Variants in VWA3B observed in about 807,000 individuals in gnomAD.
VWA3B encodes von Willebrand factor A domain-containing protein 3B.
A neutral mutation model predicts 158.3 loss-of-function variants in VWA3B; 138 were observed. The observed-to-expected ratio is 0.87, with a 90% CI of 0.76 to 1.00. The LOEUF (loss-of-function observed/expected upper bound fraction) is 1.00, where lower values mean the gene tolerates loss of function less well. Among genes scored for constraint, VWA3B ranks in the 50% least tolerant of loss-of-function variants. The pLI, the probability that VWA3B is intolerant of heterozygous loss-of-function variation, is 0.00. For missense variants in VWA3B, 1,555 were observed against 1,565.1 expected (o/e 0.99, Z 0.11); for synonymous variants, 596 against 587.3 (o/e 1.01, Z -0.21).
rs138766841 is a variant in VWA3B at position 98,300,192 on chromosome 2, A to G, written c.3396A>G (p.Thr1132=). The G allele has an allele frequency of 4.0e-4, 650 of 1,614,232 alleles. 4 individuals carry two copies. The African/African-American group carries it at 7.8e-3, about 19-fold the overall frequency. ...ATGTGGCCACAGAAAAATTCTACAC[A>G]GTTTTGAAGTGTAACAACCGGAGAG... ...NKHVATEKFY[T]VLKCNNRREF... Residue 1132 remains threonine, a synonymous_variant, in exon 25 of 28, where the codon ACA becomes ACG. Coordinates refer to ENST00000477737, the MANE Select transcript of VWA3B (RefSeq NM_144992.5).
chr2:98,101,908 G>A (rs1007897119), intron 2 of VWA3B, among the ~76,000 whole-genome samples: 1 of 149,252 alleles, frequency 6.7e-6, no homozygotes, highest in African/African-American at 2.5e-5. Flanking sequence ...TCATTCTTGG[G>A]TGTTTCTCAG....
intron 8 of VWA3B, among the ~76,000 whole-genome samples, chr2:98,167,724 G>A (rs2105276036): frequency 6.6e-6 from 1 of 152,276 alleles, no homozygotes; most frequent in East Asian, 1.9e-4. Flanking sequence ...CCTGTGAGAA[G>A]GTTATCTGAG....
At chr2:98,157,481 T>G (rs1018800389) in intron 7 of VWA3B, among the ~76,000 whole-genome samples, 7 of 152,288 alleles carry the variant, frequency 4.6e-5, no homozygotes, top group Admixed American at 4.6e-4. Flanking sequence ...CAAAAACCAC[T>G]GATTTTCCTG....
chr2:98,133,086 T>C (rs796087042), intron 6 of VWA3B, among the ~76,000 whole-genome samples: 84 of 152,308 alleles, frequency 5.5e-4, no homozygotes, highest in African/African-American at 1.9e-3. Context: ...TCCAGTTAAG[T>C]GGCTTTGAGG....
At chr2:98,129,370 G>C (rs1429121253) in intron 6 of VWA3B, among the ~76,000 whole-genome samples, 3 of 151,884 alleles carry the variant, frequency 2.0e-5, no homozygotes, top group Non-Finnish European at 4.4e-5. Context: ...GAGACAGAGA[G>C]ACAGAGAGTG....
At chr2:98,183,038 C>T (rs1680723723) in intron 9 of VWA3B, among the ~76,000 whole-genome samples, 1 of 152,212 alleles carries the variant, frequency 6.6e-6, no homozygotes, top group Non-Finnish European at 1.5e-5. Context: ...TACTGATCAT[C>T]TCCTAACTCA....
At chr2:98,322,389 C>T in the VWA3B span, among the ~76,000 whole-genome samples, 1 of 151,946 alleles carries the variant, frequency 6.6e-6, no homozygotes, top group African/African-American at 2.4e-5. Context: ...GAGTTCAGGG[C>T]TAGAAAAAAA....
rs1175433142 is a variant in VWA3B, at chr2:98,192,923, CA to C, written c.1495del (p.Ser499AlafsTer21). On this transcript the variant is annotated frameshift_variant, in exon 11 of 28. Coordinates refer to ENST00000477737, the MANE Select transcript of VWA3B (RefSeq NM_144992.5). LOFTEE classifies it high-confidence loss of function. ...GATTAAATGGCTACAGGATGGGAGTCAAAGCCTCTTTGGAAGATTGCATAAT... is the reference window on the plus strand; with the variant it reads ...GATTAAATGGCTACAGGATGGGAGTCAAGCCTCTTTGGAAGATTGCATAAT... ...RRIKWLQDGSQSLFGRLHNDC... is the reference protein window; with the variant it reads ...RRIKWLQDGSXSLFGRLHNDC... The C allele has an allele frequency of 1.2e-6, 2 of 1,614,076 alleles. No individual in the cohort carries two copies. The highest frequency in any genetic ancestry group is 2.7e-5 in the African/African-American group (2 of 74,924).
intron 23 of VWA3B, among the ~76,000 whole-genome samples, chr2:98,296,474 A>G (rs1344557712): frequency 2.6e-5 from 4 of 152,246 alleles, no homozygotes; most frequent in African/African-American, 9.6e-5. Context: ...CGATCAGAAA[A>G]CACACAATGG....
intron 22 of VWA3B, among the ~76,000 whole-genome samples, chr2:98,278,330 G>T (rs1369547960): frequency 6.6e-6 from 1 of 152,184 alleles, no homozygotes; most frequent in African/African-American, 2.4e-5. Flanking sequence ...GCTTCTAGAG[G>T]AGTACCCACA....
intron 21 of VWA3B, among the ~76,000 whole-genome samples, chr2:98,267,214 A>G (rs1185819177): frequency 2.0e-5 from 3 of 151,624 alleles, no homozygotes; most frequent in African/African-American, 7.3e-5. Context: ...ATTTTGAGAT[A>G]CGTCCCATCA....
intron 16 of VWA3B, 46 bp from the exon 17 acceptor site, chr2:98,234,602 C>T (rs760513105): frequency 1.2e-6 from 2 of 1,612,302 alleles, no homozygotes; most frequent in African/African-American, 1.3e-5. Context: ...GAAGTATCTC[C>T]TTCCATCCCC....
At chr2:98,118,308 T>C (rs111508234) in intron 3 of VWA3B, among the ~76,000 whole-genome samples, 24 of 152,252 alleles carry the variant, frequency 1.6e-4, no homozygotes, top group African/African-American at 5.8e-4. Flanking sequence ...CAAGAAGTGA[T>C]GCTGGAGCTT....
At chr2:98,182,130 T>C (rs1574009562) in intron 9 of VWA3B, among the ~76,000 whole-genome samples, 1 of 152,146 alleles carries the variant, frequency 6.6e-6, no homozygotes, top group Non-Finnish European at 1.5e-5. Flanking sequence ...GACAGGCAGG[T>C]GACAGGCGGG....
intron 8 of VWA3B, among the ~76,000 whole-genome samples, chr2:98,171,816 A>C (rs1200488917): frequency 6.6e-6 from 1 of 152,184 alleles, no homozygotes; most frequent in African/African-American, 2.4e-5. Context: ...GAGCCTGTGA[A>C]GGTGATAAAT....
intron 11 of VWA3B, among the ~76,000 whole-genome samples, chr2:98,193,392 G>A (rs1050693273): frequency 1.3e-5 from 2 of 152,056 alleles, no homozygotes; most frequent in Admixed American, 6.5e-5. Context: ...TGCATGGGAG[G>A]CGTGCAGGCT....
At chr2:98,130,343 A>C (rs992447317) in intron 6 of VWA3B, among the ~76,000 whole-genome samples, 1 of 152,030 alleles carries the variant, frequency 6.6e-6, no homozygotes, top group Non-Finnish European at 1.5e-5. Flanking sequence ...CAGGAGACAG[A>C]AGCCTTCCTC....
At chr2:98,147,904 A>G (rs562169647) in intron 7 of VWA3B, among the ~76,000 whole-genome samples, 1 of 134,388 alleles carries the variant, frequency 7.4e-6, no homozygotes, top group Admixed American at 8.4e-5. Flanking sequence ...CCTGTGTCCA[A>G]GTGTTCTCAT....
intron 2 of VWA3B, among the ~76,000 whole-genome samples, chr2:98,095,269 C>A (rs1288579329): frequency 6.6e-6 from 1 of 152,068 alleles, no homozygotes; most frequent in East Asian, 1.9e-4. Flanking sequence ...CATGGAATAT[C>A]TTTAAATTTG....
Sources: allele counts gnomAD v4.1 joint callset (sites outside exome capture counted in the v4.1 genomes callset), GRCh38; gene constraint gnomAD v4.1.1; transcripts MANE v1.5; gene names NCBI Gene and HGNC (gene_info 2026-07-23, HGNC 2026-07-21).